The following LRRN4 variants were observed in gnomAD, a reference collection of about 807,000 sequenced individuals.
LRRN4 encodes the protein leucine rich repeat neuronal 4, also known as leucine-rich repeat neuronal protein 4.
A neutral mutation model predicts 22.3 loss-of-function variants in LRRN4; 26 were observed. The ratio of observed to expected loss-of-function variants is 1.16; its 90% CI spans 0.85 to 1.62. The LOEUF (loss-of-function observed/expected upper bound fraction) is 1.62, where lower values mean the gene tolerates loss of function less well. Ranked by LOEUF, LRRN4 falls within the 40% of genes most tolerant of loss-of-function variation. The pLI is 0.00. For synonymous variants in LRRN4, 496 were observed against 486.2 expected (o/e 1.02, Z -0.26); for missense variants, 1,070 against 1,008.5 (o/e 1.06, Z -0.83).
In LRRN4 at chr20:6,052,485, G is replaced by C. The variant is rs116064748; in HGVS notation, c.315C>G (p.Thr105=). ...LGHLEQLQVL[T]LRHNRIAALR... is the part of the protein sequence containing the mutation. ...GCGCGGCGATGCGGTTGTGGCGCAG[G>C]GTCAGCACCTGCAGCTGCTCCAGGT... The change falls in exon 2 of 5, where the codon ACC becomes ACG. Residue 105 remains threonine (T), a synonymous_variant. Transcript: ENST00000378858. 3 of 1,574,382 alleles carry C rather than the reference G, an allele frequency of 1.9e-6. No homozygotes were observed. Among genetic ancestry groups the C allele is most frequent in the South Asian group, 2.3e-5 (2 of 87,248 alleles).
At position 6,042,052 on chromosome 20, in the gene LRRN4, C is replaced by T. The variant is rs570714715; in HGVS notation, c.1193G>A (p.Arg398Gln). 6.2e-7 allele frequency: 1 copy of T among 1,613,878 alleles called. No homozygotes were observed. The highest frequency in any genetic ancestry group is 1.7e-5 in the Admixed American group (1 of 60,000). Residue 398 changes from arginine (R) to glutamine (Q), a missense_variant, in exon 5 of 5, where the codon CGG becomes CAG. Coordinates refer to ENST00000378858, the MANE Select transcript of LRRN4 (RefSeq NM_152611.5). ...GACACTCTGCTGGTCTCCCGCAGGC[C>T]GGGTGGCGGGGGCTGCGCTGGGCGC... Reference protein sequence around the residue: ...TVAPSAAPATRPAGDQQSVSK... With the variant: ...TVAPSAAPATQPAGDQQSVSK...
rs1236506242 is a variant in LRRN4 at position 6,041,523 on chromosome 20, G to T, written c.1722C>A (p.Ser574Arg). 2.6e-6 allele frequency: 4 copies of T among 1,554,620 alleles called. No homozygotes were observed. Among genetic ancestry groups the T allele is most frequent in the Non-Finnish European group, 2.6e-6 (3 of 1,149,680 alleles). The change falls in exon 5 of 5, where the codon AGC becomes AGA. Residue 574 changes from serine (S) to arginine (R), a missense_variant. Transcript: ENST00000378858. The surrounding 1 kb of genome is among the most constrained non-coding windows in gnomAD (Gnocchi z 9.4). ...RRWRCRCPGLSGEDTIPDPPR... is the reference protein window; with the variant it reads ...RRWRCRCPGLRGEDTIPDPPR... ...GCGGGTCTGGGATGGTGTCTTCCCC[G>T]CTGAGGCCGGGGCACCGGCACCGCC...
intron 3 of LRRN4, among the ~76,000 whole-genome samples, chr20:6,048,989 T>C (rs552301942): frequency 4.6e-5 from 7 of 152,148 alleles, no homozygotes; most frequent in African/African-American, 1.7e-4. Flanking sequence ...ACAGAGAACA[T>C]CAAGAGGGAG....
chr20:6,041,118 G>A lies in LRRN4; in HGVS notation c.2127C>T (p.Gly709=). 6.2e-7 allele frequency: 1 copy of A among 1,610,476 alleles called. No individual in the cohort carries two copies. The highest frequency in any genetic ancestry group is 1.1e-5 in the South Asian group (1 of 90,852). ...CGCAGCGCTGCAGGCCCAGCGTCTG[G>A]CCCCGCCTGCAGAGACATGCGGACA... ...VVLSACLCRR[G]QTLGLQRCDT... Residue 709 remains glycine (G), a synonymous_variant, in exon 5 of 5, where the codon GGC becomes GGT. Transcript: ENST00000378858. The surrounding 1 kb of genome is among the most constrained non-coding windows in gnomAD (Gnocchi z 9.4).
chr20:6,044,349 G>A (rs1406275384), intron 4 of LRRN4, among the ~76,000 whole-genome samples, 194 bp downstream of exon 4: 3 of 152,178 alleles, frequency 2.0e-5, no homozygotes, highest in Admixed American at 2.0e-4. Context: ...CATGCTCTTT[G>A]CCCCTTCTGG....
chr20:6,050,435 T>G (rs1981215624), intron 3 of LRRN4, among the ~76,000 whole-genome samples: 1 of 152,234 alleles, frequency 6.6e-6, no homozygotes, highest in East Asian at 1.9e-4. Context: ...TTGCATGACA[T>G]GTGGGGAAGA....
intron 2 of LRRN4, among the ~76,000 whole-genome samples, chr20:6,051,277 C>T (rs1453514911): frequency 1.3e-5 from 2 of 152,232 alleles, no homozygotes; most frequent in African/African-American, 4.8e-5. Flanking sequence ...GAACCCAGGA[C>T]ACTGTCTCCA....
In LRRN4 at chr20:6,042,096, G is replaced by A. The variant is rs1980979634; in HGVS notation, c.1149C>T (p.Tyr383=). ...TGGGCGCGACGGTGGTACCCTGTGC[G>A]TAGGTGGAGCGGTTGAAGCAAGGTG... ...SHPPCFNRST[Y]AQGTTVAPSA... is the part of the protein sequence containing the mutation. Residue 383 remains tyrosine, a synonymous_variant, in exon 5 of 5, where the codon TAC becomes TAT. Transcript: ENST00000378858. 1.9e-6 allele frequency: 3 copies of A among 1,614,144 alleles called. No individual in the cohort carries two copies. Among genetic ancestry groups the A allele is most frequent in the South Asian group, 1.1e-5 (1 of 91,086 alleles).
chr20:6,052,052 C>T (rs1373493052), intron 2 of LRRN4, 93 bp downstream of exon 2: 3 of 1,433,174 alleles, frequency 2.1e-6, no homozygotes, highest in African/African-American at 3.0e-5. Flanking sequence ...CCGGGTCACC[C>T]CTCGAGGAAG....
In LRRN4 at chr20:6,042,173, G is replaced by T; in HGVS notation, c.1072C>A (p.Leu358Met). 6.2e-7 allele frequency: 1 copy of T among 1,614,146 alleles called. No homozygotes were observed. The highest frequency in any genetic ancestry group is 1.1e-5 in the South Asian group (1 of 91,086). ...PFSASLSLSQ[L>M]PGVCQSDQST... ...TGGTCGGACTGGCACACTCCGGGCAGCTGGGAGAGTGACAGGGAGGCTGAG... is the reference window on the plus strand; with the variant it reads ...TGGTCGGACTGGCACACTCCGGGCATCTGGGAGAGTGACAGGGAGGCTGAG... The change falls in exon 5 of 5, where the codon CTG (leucine) becomes ATG (methionine). Residue 358 changes from leucine (L) to methionine (M), a missense_variant. Physicochemically the swap from Leu to Met is conservative, Grantham distance 15. Transcript: ENST00000378858.
In LRRN4 at chr20:6,041,554, C is replaced by T; in HGVS notation, c.1691G>A (p.Arg564Lys). ...GCCGGGGCACCGGCACCGCCACCGC[C>T]TCTGCAGCTCCGCGCACGGGGTCTG... ...HLQTPCAELQ[R>K]RWRCRCPGLS... Residue 564 changes from arginine to lysine, a missense_variant, in exon 5 of 5, where the codon AGG becomes AAG. Arg to Lys is a conservative substitution (Grantham distance 26). Transcript: ENST00000378858. This position sits in a 1 kb window ranked among gnomAD's most constrained non-coding sequence, Gnocchi z 9.4. The T allele has an allele frequency of 1.9e-6, 3 of 1,552,308 alleles. No individual in the cohort carries two copies. Among genetic ancestry groups the T allele is most frequent in the Non-Finnish European group, 2.6e-6 (3 of 1,148,032 alleles).
chr20:6,050,970 C>A lies in LRRN4; in HGVS notation c.669G>T (p.Trp223Cys). 6.2e-7 allele frequency: 1 copy of A among 1,613,914 alleles called. No homozygotes were observed. Reference sequence around the variant, plus strand: ...ATGTGAGCTTCGGCAGGTCTCTGATCCACCCTGACTCAACTGAAACACAGA... The same window carrying A: ...ATGTGAGCTTCGGCAGGTCTCTGATACACCCTGACTCAACTGAAACACAGA... ...GTFLERVESG[W>C]IRDLPKLTSL... The change falls in exon 3 of 5, where the codon TGG becomes TGT. Residue 223 changes from tryptophan (W) to cysteine (C), a missense_variant. Trp to Cys is a radical substitution (Grantham distance 215). Transcript: ENST00000378858.
At chr20:6,043,475 C>T (rs1981021041) in intron 4 of LRRN4, among the ~76,000 whole-genome samples, 1 of 152,084 alleles carries the variant, frequency 6.6e-6, no homozygotes, top group Non-Finnish European at 1.5e-5. Flanking sequence ...GCTCCAGAGC[C>T]TGTAGTCTCA....
Position 6,041,369 on chromosome 20 carries a change from C to T in LRRN4, c.1876G>A (p.Val626Met). 1 of 1,589,398 alleles carries T rather than the reference C, an allele frequency of 6.3e-7. No homozygotes were observed. ...CGGGCCGTGGCGTAGATGACCCCCA[C>T]CACCGACTGGTTCCCCGCCCAGCCC... Reference protein sequence around the residue: ...AEGWAGNQSVVGVIYATARQH... With the variant: ...AEGWAGNQSVMGVIYATARQH... The change falls in exon 5 of 5, where the codon GTG becomes ATG. Residue 626 changes from valine to methionine, a missense_variant. Transcript: ENST00000378858. This position sits in a 1 kb window ranked among gnomAD's most constrained non-coding sequence, Gnocchi z 9.4.
rs143583218 is a variant in LRRN4, at chr20:6,047,868, C to T, written c.860+2911G>A. Among the ~76,000 whole-genome samples, 1,364 of 151,906 alleles carry T rather than the reference C, an allele frequency of 9.0e-3. 16 individuals carry two copies. The highest frequency in any genetic ancestry group is 0.031 in the African/African-American group (1,304 of 41,398). ...ATAATATAAATGAAAATAAGACCTCCCTGGTCTAAAATGGGGCCTGTGAAG... is the reference window on the plus strand; with the variant it reads ...ATAATATAAATGAAAATAAGACCTCTCTGGTCTAAAATGGGGCCTGTGAAG... On this transcript the variant is annotated intron_variant, in intron 3 of 4. Transcript: ENST00000378858.
At chr20:6,048,553 C>T (rs6085364) in intron 3 of LRRN4, among the ~76,000 whole-genome samples, 15,014 of 152,164 alleles carry the variant, frequency 0.099, 888 homozygotes, top group Middle Eastern at 0.21. Flanking sequence ...ATTTAACATC[C>T]CTGTGTCTCA....
rs777004723 is a variant in LRRN4, at chr20:6,041,373, C to A, written c.1872G>T (p.Ser624=). Residue 624 remains serine (S), a synonymous_variant, in exon 5 of 5, where the codon TCG becomes TCT. Coordinates refer to ENST00000378858, the MANE Select transcript of LRRN4 (RefSeq NM_152611.5). This position sits in a 1 kb window ranked among gnomAD's most constrained non-coding sequence, Gnocchi z 9.4. ...CCGTGGCGTAGATGACCCCCACCAC[C>A]GACTGGTTCCCCGCCCAGCCCTCCG... ...YSAEGWAGNQ[S]VVGVIYATAR... 1.9e-6 allele frequency: 3 copies of A among 1,587,254 alleles called. No homozygotes were observed. The highest frequency in any genetic ancestry group is 2.3e-5 in the South Asian group (2 of 87,568).
chr20:6,044,749 G>GCATGGTGTCAGAACCATGCC lies in LRRN4; in HGVS notation c.861-89_861-70dup, dbSNP rs1250553093. 14 of 1,371,992 alleles carry GCATGGTGTCAGAACCATGCC rather than the reference G, an allele frequency of 1.0e-5. No individual in the cohort carries two copies. In the Admixed American group the frequency reaches 3.6e-4, roughly 35 times the overall value. 85.0% of individuals were successfully genotyped at this position (1,371,992 alleles called of 1,614,324 possible). ...TTGTATCAAAGATATTCCCAGAGAG[G>GCATGGTGTCAGAACCATGCC]CATGGTGTCAGAACCATGCCCATGG... On this transcript the variant is annotated intron_variant, in intron 3 of 4. Coordinates refer to ENST00000378858, the MANE Select transcript of LRRN4 (RefSeq NM_152611.5).
Position 6,041,329 on chromosome 20 carries a change from T to C in LRRN4, c.1916A>G (p.Tyr639Cys), listed in dbSNP as rs1473460182. The stretch of plus-strand genomic sequence containing the variant: ...GTAGGTGGTGCCCGGCGACAGCCCG[T>C]ACAGAGGGTGCTGCCGGGCCGTGGC... ...IYATARQHPL[Y>C]GLSPGTTYRV... The change falls in exon 5 of 5, where the codon TAC (tyrosine) becomes TGC (cysteine). Residue 639 changes from tyrosine (Y) to cysteine (C), a missense_variant. Transcript: ENST00000378858. This position sits in a 1 kb window ranked among gnomAD's most constrained non-coding sequence, Gnocchi z 9.4. 1 of 1,598,448 alleles carries C rather than the reference T, an allele frequency of 6.3e-7. No individual in the cohort carries two copies. The highest frequency in any genetic ancestry group is 2.2e-5 in the East Asian group (1 of 44,750).
Sources: gnomAD v4.1 joint callset for allele counts (sites outside exome capture counted in the v4.1 genomes callset) on GRCh38, gnomAD v4.1.1 for gene constraint, Gnocchi (gnomAD v3.1) non-coding constraint, MANE v1.5 for transcripts, NCBI Gene and HGNC (gene_info 2026-07-23, HGNC 2026-07-21) for gene names.